LAX1: variants seen among roughly 807,000 people sequenced by gnomAD.
The protein encoded by LAX1 is lymphocyte transmembrane adapter 1.
A neutral mutation model predicts 20.7 loss-of-function variants in LAX1; 17 were observed. That is an observed-to-expected ratio of 0.82 (90% CI 0.56 to 1.23). The LOEUF (loss-of-function observed/expected upper bound fraction) is 1.23, where lower values mean the gene tolerates loss of function less well. Among genes scored for constraint, LAX1 ranks in the 50% most tolerant of loss-of-function variants. The pLI, the probability that LAX1 is intolerant of heterozygous loss-of-function variation, is 0.00. For missense variants in LAX1, 470 were observed against 487.0 expected, an observed-to-expected ratio of 0.97 and a Z score of 0.33; for synonymous variants, 165 against 181.0, an observed-to-expected ratio of 0.91 and a Z score of 0.71.
chr1:203,771,640 A>AG (rs1437377710), intron 3 of LAX1, among the ~76,000 whole-genome samples, 163 bp downstream of exon 3: 16 of 152,266 alleles, frequency 1.1e-4, no homozygotes, highest in African/African-American at 3.1e-4. Flanking sequence ...CTGCAACTCC[A>AG]GGGGGGTCTG....
At chr1:203,769,444 G>GGAAGGAA (rs61136870) in intron 1 of LAX1, among the ~76,000 whole-genome samples, 4 of 133,506 alleles carry the variant, frequency 3.0e-5, no homozygotes, top group South Asian at 2.5e-4. Flanking sequence ...AAAGAAAGAA[G>GGAAGGAA]GAAAGAAAGA....
rs1667463352 is a variant in LAX1, at chr1:203,773,907, T to C, written c.423T>C (p.His141=). 1 of 1,613,664 alleles carries C rather than the reference T, an allele frequency of 6.2e-7. No individual in the cohort carries two copies. The highest frequency in any genetic ancestry group is 1.3e-5 in the African/African-American group (1 of 74,840). ...PSQAGNAFQE[H]TAHIHATEYA... Reference sequence around the variant, plus strand: ...AAGCAGGCAATGCCTTCCAGGAGCATACAGCCCACATCCATGCCACAGAGT... The same window carrying C: ...AAGCAGGCAATGCCTTCCAGGAGCACACAGCCCACATCCATGCCACAGAGT... Residue 141 remains histidine, a synonymous_variant, in exon 5 of 5, where the codon CAT becomes CAC. Coordinates refer to ENST00000442561, the MANE Select transcript of LAX1 (RefSeq NM_017773.4).
At chr1:203,769,503 A>G (rs1009619859) in intron 1 of LAX1, 1 of 152,162 alleles carries the variant, frequency 6.6e-6, no homozygotes, top group Non-Finnish European at 1.5e-5. Context: ...TCAAGGGGAC[A>G]AAAACCTTCC....
At position 203,775,168 on chromosome 1, in the gene LAX1, G is replaced by A. The variant is rs2102272082; in HGVS notation, c.*487G>A. On this transcript the variant is annotated 3_prime_UTR_variant, in exon 5 of 5. Coordinates refer to ENST00000442561, the MANE Select transcript of LAX1 (RefSeq NM_017773.4). ...TAATCCCAGCATTTTGGTAGGCCGA[G>A]GAGGGCAGATCACTTGGTGCCAGGA... is the stretch of plus-strand genomic sequence containing the variant. The A allele has an allele frequency of 6.3e-6, 1 of 158,416 alleles. No homozygotes were observed. Among genetic ancestry groups the A allele is most frequent in the African/African-American group, 2.4e-5 (1 of 41,576 alleles). The allele number at this position is 158,416 out of a possible 1,614,324, so 9.8% of individuals were successfully genotyped here. A position where few individuals can be genotyped will look rare whatever the true frequency, so the allele number is the denominator to read the frequency against.
chr1:203,767,544 G>A (rs1254886057), intron 1 of LAX1, among the ~76,000 whole-genome samples: 1 of 151,598 alleles, frequency 6.6e-6, no homozygotes, highest in East Asian at 1.9e-4. Flanking sequence ...CTTACCTCAG[G>A]TGATCCGCCC....
chr1:203,769,923 C>A (rs1667375779), intron 1 of LAX1, among the ~76,000 whole-genome samples: 1 of 152,072 alleles, frequency 6.6e-6, no homozygotes, highest in African/African-American at 2.4e-5. Context: ...AGGGGCAAGG[C>A]CAAATGACTT....
At position 203,771,011 on chromosome 1, in the gene LAX1, A is replaced by G. The variant is rs1171757892; in HGVS notation, c.199+74A>G. The G allele has an allele frequency of 3.3e-6, 4 of 1,217,550 alleles. No individual in the cohort carries two copies. The African/African-American group carries it at 6.0e-5, about 18-fold the overall frequency. 75.4% of individuals were successfully genotyped at this position (1,217,550 alleles called of 1,614,324 possible). Reference sequence around the variant, plus strand: ...TAGGCTGGAATTTAAAGCCCAGCTTATTTACCAGGGATAAACTATTGGCCT... The same window carrying G: ...TAGGCTGGAATTTAAAGCCCAGCTTGTTTACCAGGGATAAACTATTGGCCT... On this transcript the variant is annotated intron_variant, in intron 2 of 4. Coordinates refer to ENST00000442561, the MANE Select transcript of LAX1 (RefSeq NM_017773.4).
At chr1:203,768,234 C>T (rs909487697) in intron 1 of LAX1, among the ~76,000 whole-genome samples, 1 of 152,076 alleles carries the variant, frequency 6.6e-6, no homozygotes. Flanking sequence ...TCACTTGGAC[C>T]CAGGAGGGGG....
At position 203,770,477 on chromosome 1, in the gene LAX1, GGA is replaced by G. The variant is rs1667392427; in HGVS notation, c.90-350_90-349del. ...AGAAAGGAAGGAAGGAAGGAAGGAA[GGA>G]AGGAAGGAAGGAAGGAAGGAAGGAA... On this transcript the variant is annotated intron_variant, in intron 1 of 4. Coordinates refer to ENST00000442561, the MANE Select transcript of LAX1 (RefSeq NM_017773.4). 5.1e-4 allele frequency among the ~76,000 whole-genome samples: 22 copies of G among 42,762 alleles called. 1 individual carries two copies. The highest frequency in any genetic ancestry group is 3.1e-3 in the East Asian group (3 of 954). 28.1% of individuals were successfully genotyped at this position (42,762 alleles called of 152,430 possible). A position where few individuals can be genotyped will look rare whatever the true frequency, so the allele number is the denominator to read the frequency against.
At position 203,774,207 on chromosome 1, in the gene LAX1, C is replaced by A. The variant is rs777050839; in HGVS notation, c.723C>A (p.Cys241Ter). The A allele has an allele frequency of 1.6e-5, 26 of 1,614,052 alleles. No homozygotes were observed. Among genetic ancestry groups the A allele is most frequent in the Non-Finnish European group, 1.7e-5 (20 of 1,180,028 alleles). Reference sequence around the variant, plus strand: ...AGGGCTGTGGAGATGCTGGTGACTGCACCAGTTTGTATTCTCCAGGAGCTG... The same window carrying A: ...AGGGCTGTGGAGATGCTGGTGACTGAACCAGTTTGTATTCTCCAGGAGCTG... Reference protein sequence around the residue: ...RDEGCGDAGDCTSLYSPGAED... With the variant: ...RDEGCGDAGD Residue 241 changes from cysteine to a stop codon, truncating the protein, a stop_gained, in exon 5 of 5, where the codon TGC becomes TGA. Coordinates refer to ENST00000442561, the MANE Select transcript of LAX1 (RefSeq NM_017773.4). LOFTEE classifies it low-confidence loss of function (END_TRUNC).
At chr1:203,770,575 A>C (rs981587552) in intron 1 of LAX1, among the ~76,000 whole-genome samples, 4 of 151,400 alleles carry the variant, frequency 2.6e-5, no homozygotes, top group Non-Finnish European at 4.4e-5. Flanking sequence ...GAAAGAGATT[A>C]ATAAGTTTCA....
chr1:203,772,217 C>A, intron 4 of LAX1, 70 bp downstream of exon 4: 2 of 1,209,526 alleles, frequency 1.7e-6, no homozygotes, highest in Non-Finnish European at 2.4e-6. Flanking sequence ...AGTTATAGGG[C>A]TTAGATCTGG....
In LAX1 at chr1:203,772,096, T is replaced by G. The variant is rs569573041; in HGVS notation, c.339T>G (p.Ile113Met). Residue 113 changes from isoleucine (I) to methionine (M), a missense_variant, in exon 4 of 5, where the codon ATT becomes ATG. Physicochemically the swap from Ile to Met is conservative, Grantham distance 10. Coordinates refer to ENST00000442561, the MANE Select transcript of LAX1 (RefSeq NM_017773.4). Reference sequence around the variant, plus strand: ...GACATGAGTCGAGGAGTATGCGCATTTTCAGTACTGAGAGCCTCCTCTCCA... The same window carrying G: ...GACATGAGTCGAGGAGTATGCGCATGTTCAGTACTGAGAGCCTCCTCTCCA... ...LGRHESRSMRIFSTESLLSRN... is the reference protein window; with the variant it reads ...LGRHESRSMRMFSTESLLSRN... The G allele has an allele frequency of 2.1e-4, 342 of 1,614,054 alleles. 3 individuals are homozygous for G. In the South Asian group the frequency reaches 3.4e-3, roughly 16 times the overall value.
At position 203,774,178 on chromosome 1, in the gene LAX1, G is replaced by A. The variant is rs1350841254; in HGVS notation, c.694G>A (p.Asp232Asn). ...TQKLEFTEERDEGCGDAGDCT... is the reference protein window; with the variant it reads ...TQKLEFTEERNEGCGDAGDCT... ...GAAGCTGGAGTTTACTGAGGAAAGA[G>A]ATGAGGGCTGTGGAGATGCTGGTGA... The change falls in exon 5 of 5, where the codon GAT becomes AAT. Residue 232 changes from aspartate to asparagine, a missense_variant. Asp to Asn is a conservative substitution (Grantham distance 23). Transcript: ENST00000442561. 2 of 1,614,098 alleles carry A rather than the reference G, an allele frequency of 1.2e-6. No homozygotes were observed. The highest frequency in any genetic ancestry group is 2.2e-5 in the East Asian group (1 of 44,908).
At chr1:203,770,709 G>A in intron 1 of LAX1, 119 bp from the exon 2 acceptor site, 2 of 761,662 alleles carry the variant, frequency 2.6e-6, no homozygotes, top group Non-Finnish European at 4.6e-6. Context: ...CACCCCACCT[G>A]GGCTTTCCTT....
intron 4 of LAX1, among the ~76,000 whole-genome samples, chr1:203,772,374 G>A (rs1667436822): frequency 6.6e-6 from 1 of 152,120 alleles, no homozygotes; most frequent in South Asian, 2.1e-4. Flanking sequence ...AGGGCACCAG[G>A]GTACAGATAT....
chr1:203,765,363 G>A lies in LAX1; in HGVS notation c.-203G>A, dbSNP rs1667287377. 2 of 1,551,742 alleles carry A rather than the reference G, an allele frequency of 1.3e-6. No individual in the cohort carries two copies. The highest frequency in any genetic ancestry group is 1.7e-6 in the Non-Finnish European group (2 of 1,147,018). ...TCCGGATGAGATCGCACTTCCTGCA[G>A]TGGGCATTAGCCACGTCCAGGTAGA... On this transcript the variant is annotated 5_prime_UTR_variant, in exon 1 of 5. It adds an upstream start codon to the 5' untranslated region. Transcript: ENST00000442561.
chr1:203,766,464 C>T (rs549518321), intron 1 of LAX1, among the ~76,000 whole-genome samples: 96 of 152,214 alleles, frequency 6.3e-4, no homozygotes, highest in African/African-American at 2.2e-3. Flanking sequence ...GCAACAAAAG[C>T]GAAACTCTGT....
rs994896477 is a variant in LAX1 at position 203,775,702 on chromosome 1, T to C, written c.*1021T>C. ...TCCTTCAACAGGTGATTGGATAAGC[T>C]GTTGATATCCATTCCTTGAGTTTAT... On this transcript the variant is annotated 3_prime_UTR_variant, in exon 5 of 5. Coordinates refer to ENST00000442561, the MANE Select transcript of LAX1 (RefSeq NM_017773.4). 1 of 152,226 alleles carries C rather than the reference T, an allele frequency of 6.6e-6. No individual in the cohort carries two copies. The highest frequency in any genetic ancestry group is 1.5e-5 in the Non-Finnish European group (1 of 68,048). The allele number at this position is 152,226 out of a possible 1,614,324, so 9.4% of individuals were successfully genotyped here.
Sources: gnomAD v4.1 joint callset for allele counts (sites outside exome capture counted in the v4.1 genomes callset) on GRCh38, gnomAD v4.1.1 for gene constraint, MANE v1.5 for transcripts, NCBI Gene and HGNC (gene_info 2026-07-23, HGNC 2026-07-21) for gene names.